Variants in ACYP2 observed in about 807,000 individuals in gnomAD.
ACYP2 encodes acylphosphatase 2.
A neutral mutation model predicts 11.2 loss-of-function variants in ACYP2; 12 were observed. The ratio of observed to expected loss-of-function variants is 1.08; its 90% CI spans 0.69 to 1.74. The LOEUF (loss-of-function observed/expected upper bound fraction) is 1.74, where lower values mean the gene tolerates loss of function less well. Among genes scored for constraint, ACYP2 ranks in the 40% most tolerant of loss-of-function variants. ACYP2 has a pLI of 0.00. For synonymous variants in ACYP2, 43 were observed against 32.2 expected, an observed-to-expected ratio of 1.33 and a Z score of -1.13; for missense variants, 134 against 101.9, an observed-to-expected ratio of 1.31 and a Z score of -1.35.
chr2:53,989,421 A>G (rs940868846), intron 2 of ACYP2, among the ~76,000 whole-genome samples: 2 of 152,108 alleles, frequency 1.3e-5, no homozygotes, highest in Non-Finnish European at 2.9e-5. Flanking sequence ...TTAGTAAAAC[A>G]AAGAATATAT....
At chr2:54,017,347 C>A (rs1158447401) in intron 2 of ACYP2, among the ~76,000 whole-genome samples, 1 of 150,218 alleles carries the variant, frequency 6.7e-6, no homozygotes, top group Non-Finnish European at 1.5e-5. Context: ...CCTCTGCCAC[C>A]CGGGTTCAGT....
intron 2 of ACYP2, among the ~76,000 whole-genome samples, chr2:54,015,762 G>C (rs2104541213): frequency 1.3e-5 from 2 of 152,082 alleles, no homozygotes; most frequent in East Asian, 3.9e-4. Flanking sequence ...GGTGATTTCA[G>C]ATGCATGTGA....
intron 2 of ACYP2, among the ~76,000 whole-genome samples, chr2:53,974,002 G>A (rs1194942493): frequency 4.0e-5 from 6 of 150,472 alleles, no homozygotes; most frequent in Non-Finnish European, 5.9e-5. Flanking sequence ...CGCCTCCGGG[G>A]TTCAAGTGAT....
At chr2:54,049,270 A>C (rs1308068762) in intron 2 of ACYP2, among the ~76,000 whole-genome samples, 1 of 150,624 alleles carries the variant, frequency 6.6e-6, no homozygotes, top group Non-Finnish European at 1.5e-5. Flanking sequence ...CAAAAATAAT[A>C]ATAATAATAA....
intron 6 of ACYP2, among the ~76,000 whole-genome samples, chr2:54,231,840 C>G (rs1378644854): frequency 6.6e-6 from 1 of 152,154 alleles, no homozygotes; most frequent in Non-Finnish European, 1.5e-5. Context: ...CTGTTGCTAT[C>G]TGCAGTTAGT....
intron 4 of ACYP2, among the ~76,000 whole-genome samples, chr2:54,133,340 T>A (rs1201851185): frequency 1.3e-5 from 2 of 152,234 alleles, no homozygotes; most frequent in South Asian, 2.1e-4. Context: ...TGCATGCTAT[T>A]CCGTTGTGTG....
intron 4 of ACYP2, among the ~76,000 whole-genome samples, chr2:54,060,582 A>G (rs903070944): frequency 2.0e-5 from 3 of 152,168 alleles, no homozygotes; most frequent in Non-Finnish European, 4.4e-5. Flanking sequence ...TACTTTTAAT[A>G]ACCTAATTTA....
intron 6 of ACYP2, among the ~76,000 whole-genome samples, chr2:54,196,934 G>C (rs150216116): frequency 6.6e-6 from 1 of 152,228 alleles, no homozygotes; most frequent in Non-Finnish European, 1.5e-5. Context: ...GAATTTTCAT[G>C]TGTGCTGGAC....
chr2:54,121,018 C>T, intron 4 of ACYP2, among the ~76,000 whole-genome samples: 1 of 152,152 alleles, frequency 6.6e-6, no homozygotes, highest in East Asian at 1.9e-4. Context: ...CATGTTGGCA[C>T]ACAATGGTTT....
intron 2 of ACYP2, among the ~76,000 whole-genome samples, chr2:54,040,939 G>A (rs1328635838): frequency 6.6e-6 from 1 of 152,212 alleles, no homozygotes; most frequent in African/African-American, 2.4e-5. Context: ...AGTGTTCATA[G>A]ATAGGTGGAA....
intron 4 of ACYP2, among the ~76,000 whole-genome samples, chr2:54,116,548 G>T (rs1679808206): frequency 1.5e-5 from 2 of 136,198 alleles, no homozygotes. Context: ...TCTGCAATAT[G>T]TATATGTACA....
intron 6 of ACYP2, among the ~76,000 whole-genome samples, chr2:54,284,807 A>G (rs1689009792): frequency 6.6e-6 from 1 of 152,160 alleles, no homozygotes; most frequent in African/African-American, 2.4e-5. Flanking sequence ...AACCAGGATC[A>G]ACTAGTGTCC....
At chr2:54,127,363 T>C (rs568095820) in intron 4 of ACYP2, among the ~76,000 whole-genome samples, 45 of 152,324 alleles carry the variant, frequency 3.0e-4, no homozygotes, top group Non-Finnish European at 1.8e-4. Flanking sequence ...TGTCTTGTAA[T>C]CCTACCATGC....
chr2:54,078,062 C>T (rs1467468267), intron 4 of ACYP2, among the ~76,000 whole-genome samples: 2 of 151,568 alleles, frequency 1.3e-5, no homozygotes, highest in Non-Finnish European at 2.9e-5. Flanking sequence ...CTCGGCCTCC[C>T]AGGCCTCCTG....
chr2:54,197,550 G>A (rs902432009), intron 6 of ACYP2, among the ~76,000 whole-genome samples: 2 of 152,344 alleles, frequency 1.3e-5, no homozygotes, highest in African/African-American at 2.4e-5. Context: ...CGAAGGTTGT[G>A]TGACAGGAGT....
chr2:53,985,558 T>C (rs1671997481), intron 2 of ACYP2, among the ~76,000 whole-genome samples: 2 of 152,160 alleles, frequency 1.3e-5, no homozygotes, highest in South Asian at 4.1e-4. Flanking sequence ...CCAAAGAGTC[T>C]AAAATACAGA....
At chr2:54,278,599 A>G (rs956958249) in intron 6 of ACYP2, among the ~76,000 whole-genome samples, 1 of 152,212 alleles carries the variant, frequency 6.6e-6, no homozygotes, top group Non-Finnish European at 1.5e-5. Flanking sequence ...CTACCATTGG[A>G]AAAGTAGAGA....
At chr2:54,115,394 C>A in intron 4 of ACYP2, 1 of 606,744 alleles carries the variant, frequency 1.6e-6, no homozygotes, top group South Asian at 2.3e-5. Context: ...GAACAGAGTA[C>A]CTTGATCAAT....
chr2:54,131,840 GA>G (rs1474309786), intron 4 of ACYP2, among the ~76,000 whole-genome samples: 4 of 152,158 alleles, frequency 2.6e-5, no homozygotes, highest in African/African-American at 9.7e-5. Context: ...GAATTGCCTG[GA>G]AAGCATGTGA....
Sources: gnomAD v4.1 joint callset for allele counts (sites outside exome capture counted in the v4.1 genomes callset) on GRCh38, gnomAD v4.1.1 for gene constraint, MANE v1.5 for transcripts, NCBI Gene and HGNC (gene_info 2026-07-23, HGNC 2026-07-21) for gene names.